The following MARCHF11 variants were observed in gnomAD, a reference collection of about 807,000 sequenced individuals.
MARCHF11 encodes membrane associated ring-CH-type finger 11.
In MARCHF11, 29 loss-of-function variants were observed where a neutral mutation model predicts 37.3. The ratio of observed to expected loss-of-function variants is 0.78; its 90% CI spans 0.58 to 1.06. MARCHF11 has a LOEUF of 1.06. MARCHF11 is among the 50% of genes least tolerant of loss of function. MARCHF11 has a pLI of 0.00. For synonymous variants in MARCHF11, 233 were observed against 228.0 expected (o/e 1.02, Z -0.20); for missense variants, 482 against 533.4 (o/e 0.90, Z 0.95).
intron 2 of MARCHF11, among the ~76,000 whole-genome samples, chr5:16,159,119 T>TA (rs968654348): frequency 3.3e-5 from 5 of 151,648 alleles, no homozygotes; most frequent in Admixed American, 6.6e-5. Flanking sequence ...AGTAACTATT[T>TA]AAAAAAAACC....
intron 2 of MARCHF11, among the ~76,000 whole-genome samples, chr5:16,114,032 C>T (rs147401494): frequency 5.3e-5 from 8 of 151,198 alleles, no homozygotes; most frequent in African/African-American, 9.9e-5. Flanking sequence ...CATATGATTG[C>T]GAAAATGTGA....
intron 3 of MARCHF11, among the ~76,000 whole-genome samples, chr5:16,077,492 G>A (rs1736541999): frequency 6.6e-6 from 1 of 152,070 alleles, no homozygotes; most frequent in East Asian, 1.9e-4. Flanking sequence ...TTTGTGACTA[G>A]TAATAAGCTA....
At chr5:16,071,133 G>C (rs1005842470) in intron 3 of MARCHF11, among the ~76,000 whole-genome samples, 3 of 152,150 alleles carry the variant, frequency 2.0e-5, no homozygotes, top group African/African-American at 7.2e-5. Flanking sequence ...CAAATGAATT[G>C]TCGCCTTGAC....
chr5:16,137,773 T>C (rs1008969032), intron 2 of MARCHF11, among the ~76,000 whole-genome samples: 1 of 152,200 alleles, frequency 6.6e-6, no homozygotes, highest in Non-Finnish European at 1.5e-5. Context: ...GGAACAGTGA[T>C]TCTTGCTAAG....
At position 16,081,775 on chromosome 5, in the gene MARCHF11, T is replaced by G. The variant is rs545767906; in HGVS notation, c.886+9114A>C. On this transcript the variant is annotated intron_variant, in intron 3 of 3. Transcript: ENST00000332432. ...TGCTAATTATATTAATGTTTATCCA[T>G]AAGAACTTGAATTTTACAGAGTCAA... is the stretch of plus-strand genomic sequence containing the variant. Among the ~76,000 whole-genome samples the G allele has an allele frequency of 9.2e-5, 14 of 152,312 alleles. No homozygotes were observed. In the East Asian group the frequency reaches 2.7e-3, roughly 29 times the overall value.
At chr5:16,147,578 C>T (rs939127235) in intron 2 of MARCHF11, among the ~76,000 whole-genome samples, 8 of 152,102 alleles carry the variant, frequency 5.3e-5, no homozygotes, top group Non-Finnish European at 7.4e-5. Context: ...AGCTTGGCTA[C>T]CTCATCTCCT....
chr5:16,122,747 G>C (rs1411851727), intron 2 of MARCHF11, among the ~76,000 whole-genome samples: 2 of 152,120 alleles, frequency 1.3e-5, no homozygotes, highest in African/African-American at 4.8e-5. Context: ...GTAGTAAAGT[G>C]AGGAGTCGGG....
chr5:16,072,761 G>A (rs1172219906), intron 3 of MARCHF11, among the ~76,000 whole-genome samples: 3 of 152,188 alleles, frequency 2.0e-5, no homozygotes, highest in Admixed American at 2.0e-4. Flanking sequence ...TGCATTTCCT[G>A]GGAGGGCTGG....
chr5:16,096,098 T>C (rs2126560336), intron 2 of MARCHF11, among the ~76,000 whole-genome samples: 1 of 152,256 alleles, frequency 6.6e-6, no homozygotes, highest in South Asian at 2.1e-4. Flanking sequence ...CTCTGCCTAC[T>C]CTCTCTGCTC....
intron 3 of MARCHF11, among the ~76,000 whole-genome samples, chr5:16,070,586 C>T (rs1411705475): frequency 1.3e-5 from 2 of 152,174 alleles, no homozygotes; most frequent in African/African-American, 4.8e-5. Context: ...TTTGCAAGGC[C>T]AGAAATCAGA....
At chr5:16,135,367 T>C (rs1737590465) in intron 2 of MARCHF11, among the ~76,000 whole-genome samples, 1 of 152,114 alleles carries the variant, frequency 6.6e-6, no homozygotes, top group Non-Finnish European at 1.5e-5. Flanking sequence ...GGAAAGCTGG[T>C]GCATAAAATT....
intron 2 of MARCHF11, among the ~76,000 whole-genome samples, chr5:16,139,954 G>T (rs1737674113): frequency 6.6e-6 from 1 of 152,022 alleles, no homozygotes; most frequent in Non-Finnish European, 1.5e-5. Context: ...TACAAAAGTA[G>T]AAATTAAATA....
intron 2 of MARCHF11, among the ~76,000 whole-genome samples, chr5:16,112,091 A>G (rs1380900241): frequency 6.6e-6 from 1 of 152,190 alleles, no homozygotes; most frequent in Non-Finnish European, 1.5e-5. Context: ...TGTGGCCCTC[A>G]TGGAAAACCT....
intron 2 of MARCHF11, among the ~76,000 whole-genome samples, chr5:16,126,012 C>T (rs988919346): frequency 2.0e-5 from 3 of 152,128 alleles, no homozygotes; most frequent in Non-Finnish European, 4.4e-5. Context: ...GAGACTAATT[C>T]GAATAAGTGT....
At chr5:16,106,636 T>C (rs932293526) in intron 2 of MARCHF11, among the ~76,000 whole-genome samples, 3 of 152,208 alleles carry the variant, frequency 2.0e-5, no homozygotes, top group Non-Finnish European at 2.9e-5. Context: ...AAGGGTGATT[T>C]TGCCCTACCC....
In MARCHF11 at chr5:16,165,188, C is replaced by A. The variant is rs193193569; in HGVS notation, c.693+12538G>T. Reference sequence around the variant, plus strand: ...CTTTAGGTCTAATCTCAGACGTCACCTCCTCAGACTTTCCCTATCGCTTCT... The same window carrying A: ...CTTTAGGTCTAATCTCAGACGTCACATCCTCAGACTTTCCCTATCGCTTCT... On this transcript the variant is annotated intron_variant, in intron 2 of 3. Coordinates refer to ENST00000332432, the MANE Select transcript of MARCHF11 (RefSeq NM_001102562.3). 5.0e-3 allele frequency among the ~76,000 whole-genome samples: 759 copies of A among 152,154 alleles called. 4 individuals carry two copies. Among genetic ancestry groups the A allele is most frequent in the Non-Finnish European group, 7.5e-3 (507 of 67,976 alleles).
At chr5:16,151,640 G>A (rs1283552762) in intron 2 of MARCHF11, among the ~76,000 whole-genome samples, 4 of 114,748 alleles carry the variant, frequency 3.5e-5, no homozygotes, top group Admixed American at 2.0e-4. Flanking sequence ...GTGTGCATGC[G>A]TGAGTTGAAT....
chr5:16,076,731 G>A (rs763007989), intron 3 of MARCHF11, among the ~76,000 whole-genome samples: 3 of 152,160 alleles, frequency 2.0e-5, no homozygotes, highest in Non-Finnish European at 2.9e-5. Flanking sequence ...GTGATGTAGT[G>A]TGGCTTGCTC....
intron 2 of MARCHF11, among the ~76,000 whole-genome samples, chr5:16,110,747 A>T (rs1276049122): frequency 6.6e-6 from 1 of 152,184 alleles, no homozygotes. Flanking sequence ...CCAGCCTCCA[A>T]GTCTAACAAG....
Sources: gnomAD v4.1 joint callset for allele counts (sites outside exome capture counted in the v4.1 genomes callset) on GRCh38, gnomAD v4.1.1 for gene constraint, MANE v1.5 for transcripts, NCBI Gene and HGNC (gene_info 2026-07-23, HGNC 2026-07-21) for gene names.